TRPC1: variants seen among roughly 807,000 people sequenced by gnomAD.
TRPC1 encodes short transient receptor potential channel 1.
Under a neutral mutation model 88.2 loss-of-function variants are expected in TRPC1, and 42 were observed. That is an observed-to-expected ratio of 0.48 (90% CI 0.37 to 0.62). TRPC1 has a LOEUF of 0.62. Among genes scored for constraint, TRPC1 ranks in the 20% least tolerant of loss-of-function variants. TRPC1 has a pLI of 0.00. For synonymous variants in TRPC1, 288 were observed against 331.8 expected, an observed-to-expected ratio of 0.87 and a Z score of 1.43; for missense variants, 699 against 957.3, an observed-to-expected ratio of 0.73 and a Z score of 3.56.
chr3:142,742,743 C>T (rs1934400194), intron 2 of TRPC1, among the ~76,000 whole-genome samples: 1 of 151,978 alleles, frequency 6.6e-6, no homozygotes, highest in Non-Finnish European at 1.5e-5. Flanking sequence ...ATCCAAAAAC[C>T]TGATGTTATA....
intron 3 of TRPC1, among the ~76,000 whole-genome samples, chr3:142,744,472 A>T (rs1934467589): frequency 6.6e-6 from 1 of 152,186 alleles, no homozygotes; most frequent in Non-Finnish European, 1.5e-5. Flanking sequence ...TTAAAAGCCC[A>T]TGTGACATAA....
At chr3:142,771,550 AATG>A (rs1240582485) in intron 4 of TRPC1, among the ~76,000 whole-genome samples, 3 of 152,168 alleles carry the variant, frequency 2.0e-5, no homozygotes, top group East Asian at 1.9e-4. Flanking sequence ...CCTTTCTCGT[AATG>A]ATATTTTTGT....
At position 142,776,520 on chromosome 3, in the gene TRPC1, A is replaced by G. The variant is rs866176520; in HGVS notation, c.633-1112A>G. Among the ~76,000 whole-genome samples the G allele has an allele frequency of 6.6e-6, 1 of 152,206 alleles. No homozygotes were observed. Among genetic ancestry groups the G allele is most frequent in the Non-Finnish European group, 1.5e-5 (1 of 68,028 alleles). ...TTTTTTACATTACAGACTGTGCATA[A>G]GTAAATGATTTCACTCTTAAGATTT... On this transcript the variant is annotated intron_variant, in intron 4 of 12. Transcript: ENST00000476941. This position sits in a 1 kb window ranked among gnomAD's most constrained non-coding sequence, Gnocchi z 4.1.
intron 2 of TRPC1, among the ~76,000 whole-genome samples, chr3:142,737,013 A>T (rs1934161821): frequency 6.6e-6 from 1 of 152,028 alleles, no homozygotes; most frequent in South Asian, 2.1e-4. Flanking sequence ...TTTGAAACTT[A>T]ATGTTTGTTT....
intron 4 of TRPC1, among the ~76,000 whole-genome samples, 161 bp downstream of exon 4, chr3:142,748,621 C>T (rs1007749539): frequency 1.3e-5 from 2 of 152,192 alleles, no homozygotes; most frequent in African/African-American, 2.4e-5. Flanking sequence ...ATGCATTCTG[C>T]ATTTTTAAGA....
chr3:142,736,734 AC>A, intron 2 of TRPC1, among the ~76,000 whole-genome samples: 1 of 152,236 alleles, frequency 6.6e-6, no homozygotes, highest in Non-Finnish European at 1.5e-5. Context: ...ACCAAAAAAA[AC>A]TTTTTGAAAA....
chr3:142,763,959 A>AATATATATATATATATATAT (rs1159520441), intron 4 of TRPC1, among the ~76,000 whole-genome samples: 5,945 of 75,174 alleles, frequency 0.079, 430 homozygotes, highest in Non-Finnish European at 0.11. Context: ...AAAAAAAAGA[A>AATATATATATATATATATAT]ATATATATAT....
intron 2 of TRPC1, among the ~76,000 whole-genome samples, chr3:142,740,036 C>G (rs1367628907): frequency 6.6e-6 from 1 of 152,138 alleles, no homozygotes; most frequent in Non-Finnish European, 1.5e-5. Flanking sequence ...TTGTGAACTG[C>G]ACATGCAAGG....
chr3:142,727,996 T>A (rs4607150), intron 1 of TRPC1, among the ~76,000 whole-genome samples: 1 of 151,702 alleles, frequency 6.6e-6, no homozygotes, highest in South Asian at 2.1e-4. Flanking sequence ...AAAAAAAAAC[T>A]TGTTGAGTAG....
chr3:142,743,371 T>C (rs1197829985), intron 2 of TRPC1, 114 bp from the exon 3 acceptor site: 2 of 735,126 alleles, frequency 2.7e-6, no homozygotes, highest in Non-Finnish European at 4.0e-6. Flanking sequence ...AATTTTGTAT[T>C]ACTGTATATA....
chr3:142,777,546 G>A, intron 4 of TRPC1, 86 bp from the exon 5 acceptor site: 4 of 784,742 alleles, frequency 5.1e-6, no homozygotes, highest in Non-Finnish European at 7.1e-6. Flanking sequence ...AATATTTTAA[G>A]TATACATTTA....
At chr3:142,726,203 C>T (rs941271769) in intron 1 of TRPC1, among the ~76,000 whole-genome samples, 1 of 152,036 alleles carries the variant, frequency 6.6e-6, no homozygotes, top group Non-Finnish European at 1.5e-5. Flanking sequence ...TATTCCAGCT[C>T]ACTGTGCAAT....
intron 4 of TRPC1, among the ~76,000 whole-genome samples, chr3:142,752,085 A>C (rs944468208): frequency 1.3e-5 from 2 of 152,088 alleles, no homozygotes; most frequent in Non-Finnish European, 2.9e-5. Flanking sequence ...GGGTATTTCT[A>C]GTTGGGTGGG....
At chr3:142,731,022 T>C (rs1217225726) in intron 1 of TRPC1, among the ~76,000 whole-genome samples, 1 of 152,242 alleles carries the variant, frequency 6.6e-6, no homozygotes, top group African/African-American at 2.4e-5. Context: ...ATCAGTATTG[T>C]AACATTTCTC....
intron 4 of TRPC1, among the ~76,000 whole-genome samples, chr3:142,762,692 G>C (rs1310312450): frequency 2.0e-5 from 3 of 151,928 alleles, no homozygotes; most frequent in African/African-American, 7.3e-5. Flanking sequence ...GCCTCCCAAA[G>C]TGCTGGGATT....
At position 142,760,605 on chromosome 3, in the gene TRPC1, A is replaced by G. The variant is rs1174259979; in HGVS notation, c.632+12145A>G. On this transcript the variant is annotated intron_variant, in intron 4 of 12. Transcript: ENST00000476941. ...TATAAAGTTTAGTATTATTTTTTCT[A>G]TTTCTCTGAAGAATGTCGTTGGTAT... Among the ~76,000 whole-genome samples the G allele has an allele frequency of 2.6e-5, 4 of 152,118 alleles. No homozygotes were observed. The East Asian group carries it at 7.7e-4, about 29-fold the overall frequency.
chr3:142,787,609 A>C (rs1936171163), intron 7 of TRPC1, among the ~76,000 whole-genome samples: 2 of 152,210 alleles, frequency 1.3e-5, no homozygotes, highest in Admixed American at 6.5e-5. Context: ...TTTAAATGTC[A>C]TGTACCTACT....
At position 142,782,585 on chromosome 3, in the gene TRPC1, GCTT is replaced by G. The variant is rs1255561307; in HGVS notation, c.960+1559_960+1561del. Among the ~76,000 whole-genome samples the G allele has an allele frequency of 3.9e-5, 6 of 152,280 alleles. No individual in the cohort carries two copies. The East Asian group carries it at 1.2e-3, about 29-fold the overall frequency. The stretch of plus-strand genomic sequence containing the variant: ...GGCATGGCAATCATGATTTTTCTCT[GCTT>G]CTCCGTGTCTGGGAACTCATCTGGA... On this transcript the variant is annotated intron_variant, in intron 6 of 12. Coordinates refer to ENST00000476941, the MANE Select transcript of TRPC1 (RefSeq NM_001251845.2).
At chr3:142,758,896 A>T (rs76069113) in intron 4 of TRPC1, among the ~76,000 whole-genome samples, 13 of 138,688 alleles carry the variant, frequency 9.4e-5, no homozygotes, top group Non-Finnish European at 1.5e-4. Flanking sequence ...TCATTGTTCA[A>T]TTCCCACCAA....
Sources: allele counts gnomAD v4.1 joint callset (sites outside exome capture counted in the v4.1 genomes callset), GRCh38; gene constraint gnomAD v4.1.1; non-coding constraint Gnocchi (gnomAD v3.1); transcripts MANE v1.5; gene names NCBI Gene and HGNC (gene_info 2026-07-23, HGNC 2026-07-21).